NFIC: variants seen among roughly 807,000 people sequenced by gnomAD.
The protein encoded by NFIC is nuclear factor 1 C-type.
Under a neutral mutation model 54.4 loss-of-function variants are expected in NFIC, and 12 were observed. The ratio of observed to expected loss-of-function variants is 0.22; its 90% CI spans 0.14 to 0.36. The LOEUF is 0.36. Ranked by LOEUF, NFIC falls within the 10% of genes least tolerant of loss-of-function variation. The probability of loss-of-function intolerance (pLI) is 1.00; values close to 1 mark genes in which losing one functional copy is unlikely to be tolerated. For synonymous variants in NFIC, 322 were observed against 319.2 expected (o/e 1.01, Z -0.09); for missense variants, 575 against 718.2 (o/e 0.80, Z 2.28).
chr19:3,452,859 C>T lies in NFIC; in HGVS notation c.1269+193C>T, dbSNP rs1347512688. 1.3e-5 allele frequency among the ~76,000 whole-genome samples: 2 copies of T among 152,156 alleles called. No individual in the cohort carries two copies. Among genetic ancestry groups the T allele is most frequent in the Non-Finnish European group, 2.9e-5 (2 of 68,038 alleles). Reference sequence around the variant, plus strand: ...GAGATGCTTTCGGATGTCAGGGTTTCGGGCGCATCATGTCGCACCCTGTGG... The same window carrying T: ...GAGATGCTTTCGGATGTCAGGGTTTTGGGCGCATCATGTCGCACCCTGTGG... On this transcript the variant is annotated intron_variant, in intron 8 of 10. Coordinates refer to ENST00000443272, the MANE Select transcript of NFIC (RefSeq NM_001245002.2). This position sits in a 1 kb window ranked among gnomAD's most constrained non-coding sequence, Gnocchi z 5.3.
intron 2 of NFIC, among the ~76,000 whole-genome samples, chr19:3,387,853 C>G (rs2081322007): frequency 6.6e-6 from 1 of 151,886 alleles, no homozygotes; most frequent in Non-Finnish European, 1.5e-5. Context: ...CTGCCACGTG[C>G]TGGGGAAGGA....
At chr19:3,410,197 C>A (rs372143037) in intron 2 of NFIC, among the ~76,000 whole-genome samples, 1 of 152,008 alleles carries the variant, frequency 6.6e-6, no homozygotes, top group Non-Finnish European at 1.5e-5. Flanking sequence ...CCTGCCACCA[C>A]GCCCGGCTTT....
intron 1 of NFIC, among the ~76,000 whole-genome samples, chr19:3,360,125 G>T (rs1479941488): frequency 1.4e-5 from 2 of 146,074 alleles, no homozygotes; most frequent in African/African-American, 4.9e-5. Flanking sequence ...CGCGTGGGGC[G>T]GGGGTCGCGG....
At chr19:3,372,244 C>G (rs2081033794) in intron 1 of NFIC, among the ~76,000 whole-genome samples, 1 of 152,226 alleles carries the variant, frequency 6.6e-6, no homozygotes, top group Middle Eastern at 3.4e-3. Flanking sequence ...TGGTCTCAAA[C>G]TCCTGACCTC....
Position 3,466,923 on chromosome 19 carries a change from G to C in NFIC, c.*4154G>C, listed in dbSNP as rs1005011632. The stretch of plus-strand genomic sequence containing the variant: ...TGTTGTGGATGGTTTAGTTCTCCCC[G>C]CCTCCCTGTTTCTTGGAAAAGCTAC... On this transcript the variant is annotated 3_prime_UTR_variant, in exon 11 of 11. Coordinates refer to ENST00000443272, the MANE Select transcript of NFIC (RefSeq NM_001245002.2). This position sits in a 1 kb window ranked among gnomAD's most constrained non-coding sequence, Gnocchi z 4.8. 6.6e-6 allele frequency: 1 copy of C among 151,950 alleles called. No individual in the cohort carries two copies. Among genetic ancestry groups the C allele is most frequent in the South Asian group, 2.1e-4 (1 of 4,812 alleles). The allele number at this position is 151,950 out of a possible 1,614,324, so 9.4% of individuals were successfully genotyped here.
At chr19:3,401,433 G>A (rs2081553691) in intron 2 of NFIC, among the ~76,000 whole-genome samples, 1 of 152,174 alleles carries the variant, frequency 6.6e-6, no homozygotes. Flanking sequence ...GGTCAACTCC[G>A]ACGGTGTGAG....
intron 6 of NFIC, 42 bp downstream of exon 6, chr19:3,435,249 GT>G: frequency 6.6e-7 from 1 of 1,523,278 alleles, no homozygotes; most frequent in East Asian, 2.5e-5. Context: ...TCCGGTCTGA[GT>G]CACCGTGGCG....
In NFIC at chr19:3,453,834, G is replaced by A. The variant is rs1015311646; in HGVS notation, c.1341G>A (p.Pro447=). Residue 447 remains proline, a synonymous_variant, in exon 9 of 11, where the codon CCG becomes CCA. Coordinates refer to ENST00000443272, the MANE Select transcript of NFIC (RefSeq NM_001245002.2). The surrounding 1 kb of genome is among the most constrained non-coding windows in gnomAD (Gnocchi z 6.7). ...CTCAGATGCTGGCACCTCCGCCCCCGGGGCTGCCACGGCTGGCGCTCCCCC... is the reference window on the plus strand; with the variant it reads ...CTCAGATGCTGGCACCTCCGCCCCCAGGGCTGCCACGGCTGGCGCTCCCCC... ...LSAQMLAPPP[P]GLPRLALPPA... 19 of 1,592,252 alleles carry A rather than the reference G, an allele frequency of 1.2e-5. No individual in the cohort carries two copies. Among genetic ancestry groups the A allele is most frequent in the African/African-American group, 2.7e-5 (2 of 73,814 alleles).
chr19:3,412,243 G>T (rs1034667421), intron 2 of NFIC, among the ~76,000 whole-genome samples: 9 of 151,504 alleles, frequency 5.9e-5, no homozygotes, highest in Admixed American at 2.0e-4. Flanking sequence ...CCACCACGCT[G>T]GGCTAATTTT....
rs1017294128 is a variant in NFIC at position 3,459,255 on chromosome 19, C to G, written c.1509+2620C>G. Among the ~76,000 whole-genome samples, 41 of 151,376 alleles carry G rather than the reference C, an allele frequency of 2.7e-4. No homozygotes were observed. Among genetic ancestry groups the G allele is most frequent in the Non-Finnish European group, 3.8e-4 (26 of 67,712 alleles). On this transcript the variant is annotated intron_variant, in intron 10 of 10. Coordinates refer to ENST00000443272, the MANE Select transcript of NFIC (RefSeq NM_001245002.2). The surrounding 1 kb of genome is among the most constrained non-coding windows in gnomAD (Gnocchi z 4.2). ...ACCCCCCAGTCCATGGACTCTCCCC[C>G]CATCAATATCCCTCCCCGTGATCTA...
chr19:3,443,849 C>A (rs919163472), intron 6 of NFIC, among the ~76,000 whole-genome samples: 2 of 152,166 alleles, frequency 1.3e-5, no homozygotes, highest in Non-Finnish European at 2.9e-5. Context: ...CCCAAATGTC[C>A]ACAGGGCCCA....
intron 1 of NFIC, 93 bp downstream of exon 1, chr19:3,366,759 G>T (rs573632323): frequency 4.3e-6 from 4 of 927,612 alleles, no homozygotes; most frequent in Non-Finnish European, 5.9e-6. Flanking sequence ...GACGAAAAAG[G>T]CGCGCGTCCC....
In NFIC at chr19:3,461,551, G is replaced by A. The variant is rs542449786; in HGVS notation, c.1510-1201G>A. On this transcript the variant is annotated intron_variant, in intron 10 of 10. Coordinates refer to ENST00000443272, the MANE Select transcript of NFIC (RefSeq NM_001245002.2). ...CAGCCCGGCCAACATGGCGAAACCC[G>A]GTCTCTACTAAGAATACAAAAATTA... Among the ~76,000 whole-genome samples the A allele has an allele frequency of 4.0e-5, 6 of 149,868 alleles. No individual in the cohort carries two copies. The East Asian group carries it at 1.0e-3, about 25-fold the overall frequency.
rs561055327 is a variant in NFIC at position 3,412,864 on chromosome 19, C to T, written c.563-12242C>T. On this transcript the variant is annotated intron_variant, in intron 2 of 10. Coordinates refer to ENST00000443272, the MANE Select transcript of NFIC (RefSeq NM_001245002.2). ...CTGAAATTTCTCTGGCCTGGCTGAG[C>T]GGGAGGGGCCGGGGTTCTGCTGGAA... is the stretch of plus-strand genomic sequence containing the variant. 4.6e-5 allele frequency among the ~76,000 whole-genome samples: 7 copies of T among 152,208 alleles called. No individual in the cohort carries two copies. The East Asian group carries it at 5.8e-4, about 13-fold the overall frequency.
upstream of NFIC, among the ~76,000 whole-genome samples, chr19:3,362,286 A>C (rs2080821340): frequency 6.6e-6 from 1 of 151,896 alleles, no homozygotes; most frequent in African/African-American, 2.4e-5. Flanking sequence ...ACAAGTGCCC[A>C]TGTGTTTGTG....
At position 3,459,346 on chromosome 19, in the gene NFIC, C is replaced by T. The variant is rs1599731978; in HGVS notation, c.1509+2711C>T. The stretch of plus-strand genomic sequence containing the variant: ...CCCATGTCCGTCCCTATCAATCCCC[C>T]CACTGTGAGGCTGGGTGGCTCTGAC... On this transcript the variant is annotated intron_variant, in intron 10 of 10. Transcript: ENST00000443272. This position sits in a 1 kb window ranked among gnomAD's most constrained non-coding sequence, Gnocchi z 4.2. Among the ~76,000 whole-genome samples the T allele has an allele frequency of 6.6e-6, 1 of 152,078 alleles. No individual in the cohort carries two copies. Among genetic ancestry groups the T allele is most frequent in the Non-Finnish European group, 1.5e-5 (1 of 68,000 alleles).
intron 2 of NFIC, among the ~76,000 whole-genome samples, chr19:3,404,849 GC>G (rs1271592316): frequency 6.6e-6 from 1 of 152,182 alleles, no homozygotes; most frequent in African/African-American, 2.4e-5. Flanking sequence ...CAGACCCGCT[GC>G]CCAGGCCGGA....
At position 3,464,746 on chromosome 19, in the gene NFIC, C is replaced by G; in HGVS notation, c.*1977C>G. On this transcript the variant is annotated 3_prime_UTR_variant, in exon 11 of 11. Coordinates refer to ENST00000443272, the MANE Select transcript of NFIC (RefSeq NM_001245002.2). ...AAAGAGAAAGACCCAGGACCCTCCC[C>G]CATCACCCCCAAGAGAGGTTCGCCA... 1 of 983,560 alleles carries G rather than the reference C, an allele frequency of 1.0e-6. No homozygotes were observed. Among genetic ancestry groups the G allele is most frequent in the Non-Finnish European group, 1.2e-6 (1 of 828,352 alleles). The allele number at this position is 983,560 out of a possible 1,614,324, so 60.9% of individuals were successfully genotyped here. A position where few individuals can be genotyped will look rare whatever the true frequency, so the allele number is the denominator to read the frequency against.
intron 9 of NFIC, among the ~76,000 whole-genome samples, chr19:3,454,526 G>GGT (rs2121915126): frequency 6.6e-6 from 1 of 152,092 alleles, no homozygotes; most frequent in South Asian, 2.1e-4. Context: ...CTCTGGATGT[G>GGT]GTTCTGGGTG....
Sources: allele counts gnomAD v4.1 joint callset (sites outside exome capture counted in the v4.1 genomes callset), GRCh38; gene constraint gnomAD v4.1.1; non-coding constraint Gnocchi (gnomAD v3.1); transcripts MANE v1.5; gene names NCBI Gene and HGNC (gene_info 2026-07-23, HGNC 2026-07-21).